UVRAG: variants seen among roughly 807,000 people sequenced by gnomAD.
The protein encoded by UVRAG is UV radiation resistance-associated gene protein.
A neutral mutation model predicts 78.0 loss-of-function variants in UVRAG; 19 were observed. The observed-to-expected ratio is 0.24, with a 90% CI of 0.17 to 0.36. UVRAG has a LOEUF of 0.36. Among genes scored for constraint, UVRAG ranks in the 10% least tolerant of loss-of-function variants. The pLI is 1.00. For missense variants in UVRAG, 740 were observed against 853.8 expected, an observed-to-expected ratio of 0.87 and a Z score of 1.66; for synonymous variants, 323 against 324.6, an observed-to-expected ratio of 1.00 and a Z score of 0.05.
At chr11:75,876,365 G>C (rs942400987) in intron 3 of UVRAG, among the ~76,000 whole-genome samples, 1 of 152,120 alleles carries the variant, frequency 6.6e-6, no homozygotes, top group African/African-American at 2.4e-5. Flanking sequence ...TCTATATCCA[G>C]TGTTGTTTCC....
intron 14 of UVRAG, among the ~76,000 whole-genome samples, chr11:76,117,086 G>T (rs1952196590): frequency 6.6e-6 from 1 of 152,162 alleles, no homozygotes; most frequent in African/African-American, 2.4e-5. Flanking sequence ...AATAATAAAA[G>T]TGAGCTAGCA....
chr11:76,031,595 A>G (rs11821229), intron 12 of UVRAG, among the ~76,000 whole-genome samples: 1,971 of 152,282 alleles, frequency 0.013, 48 homozygotes, highest in African/African-American at 0.045. Flanking sequence ...CAGTAATGTA[A>G]TGGGACAGTG....
At chr11:75,996,037 C>A (rs1949700693) in intron 8 of UVRAG, among the ~76,000 whole-genome samples, 1 of 152,028 alleles carries the variant, frequency 6.6e-6, no homozygotes, top group Admixed American at 6.5e-5. Flanking sequence ...GAGCAAACTT[C>A]TGATTTTATT....
chr11:76,006,017 G>T (rs1161558422), intron 9 of UVRAG, among the ~76,000 whole-genome samples: 3 of 148,264 alleles, frequency 2.0e-5, no homozygotes, highest in African/African-American at 7.9e-5. Context: ...AGAGTTTGGT[G>T]GGTGGGGAAG....
chr11:76,081,333 G>A (rs1951489629), intron 13 of UVRAG, among the ~76,000 whole-genome samples: 1 of 151,984 alleles, frequency 6.6e-6, no homozygotes, highest in African/African-American at 2.4e-5. Context: ...AGCCTCCCGA[G>A]TAGCTGAGAT....
At chr11:75,819,588 C>T (rs759027516) in intron 1 of UVRAG, among the ~76,000 whole-genome samples, 6 of 152,082 alleles carry the variant, frequency 3.9e-5, no homozygotes, top group Non-Finnish European at 7.4e-5. Context: ...TCAGGTGATC[C>T]GCCTGCCTTG....
At chr11:75,983,585 T>C in intron 8 of UVRAG, 72 bp downstream of exon 8, 3 of 1,469,972 alleles carry the variant, frequency 2.0e-6, no homozygotes, top group Non-Finnish European at 2.7e-6. Context: ...CTTCACAAGC[T>C]CAAATAGTCA....
At chr11:75,876,986 G>A (rs1334775271) in intron 3 of UVRAG, among the ~76,000 whole-genome samples, 1 of 151,368 alleles carries the variant, frequency 6.6e-6, no homozygotes, top group Admixed American at 6.6e-5. Context: ...CTAGGCAGAG[G>A]ACCCTGCGGC....
chr11:76,001,541 A>T (rs897047009), intron 8 of UVRAG, among the ~76,000 whole-genome samples: 1 of 152,224 alleles, frequency 6.6e-6, no homozygotes, highest in Non-Finnish European at 1.5e-5. Context: ...ACTAAAATTG[A>T]TAAACCTGTA....
At chr11:75,940,126 G>C (rs1948455613) in intron 6 of UVRAG, among the ~76,000 whole-genome samples, 2 of 152,172 alleles carry the variant, frequency 1.3e-5, no homozygotes, top group Non-Finnish European at 2.9e-5. Flanking sequence ...ATGGTACAAA[G>C]AAGAAAGAAG....
chr11:75,917,162 T>C (rs1313235101), intron 6 of UVRAG, among the ~76,000 whole-genome samples: 1 of 152,252 alleles, frequency 6.6e-6, no homozygotes, highest in Admixed American at 6.5e-5. Context: ...TAGCTTGGCC[T>C]ATGCCCAGGA....
chr11:75,838,535 TA>T (rs1945836796), intron 1 of UVRAG, among the ~76,000 whole-genome samples: 1 of 152,022 alleles, frequency 6.6e-6, no homozygotes, highest in Admixed American at 6.6e-5. Flanking sequence ...ACTCTCTCTC[TA>T]TATATAGAGT....
At chr11:76,131,092 C>T (rs1380213073) in intron 14 of UVRAG, among the ~76,000 whole-genome samples, 2 of 152,004 alleles carry the variant, frequency 1.3e-5, no homozygotes, top group Admixed American at 6.5e-5. Flanking sequence ...TACTTAAGCC[C>T]TATATAAATG....
Position 76,140,967 on chromosome 11 carries a change from G to A in UVRAG, c.1654G>A (p.Asp552Asn). ...GATAACATCTCTATCCTCCTCCTTG[G>A]ATACCTCCTTGGACTTCTCCAAAGA... ...RKITSLSSSL[D>N]TSLDFSKENK... The change falls in exon 15 of 15, where the codon GAT (aspartate) becomes AAT (asparagine). Residue 552 changes from aspartate (D) to asparagine (N), a missense_variant. Asp to Asn is a conservative substitution (Grantham distance 23, BLOSUM62 1). Transcript: ENST00000356136. 1 of 1,614,052 alleles carries A rather than the reference G, an allele frequency of 6.2e-7. No individual in the cohort carries two copies. Among genetic ancestry groups the A allele is most frequent in the South Asian group, 1.1e-5 (1 of 91,058 alleles).
chr11:75,954,076 T>C (rs964478664), intron 6 of UVRAG, among the ~76,000 whole-genome samples: 4 of 152,160 alleles, frequency 2.6e-5, no homozygotes, highest in Non-Finnish European at 5.9e-5. Flanking sequence ...GGATGTCCCA[T>C]GTTATTTTTC....
chr11:75,984,912 T>C (rs959678628), intron 8 of UVRAG, among the ~76,000 whole-genome samples: 1 of 152,208 alleles, frequency 6.6e-6, no homozygotes, highest in African/African-American at 2.4e-5. Flanking sequence ...TTGGGAACAT[T>C]AGAGTTAATG....
At chr11:75,858,749 C>T (rs899863595) in intron 2 of UVRAG, among the ~76,000 whole-genome samples, 1 of 152,162 alleles carries the variant, frequency 6.6e-6, no homozygotes, top group African/African-American at 2.4e-5. Context: ...AACCACCAAG[C>T]CTATGCAAAC....
chr11:76,091,147 G>T (rs562128032), intron 13 of UVRAG, among the ~76,000 whole-genome samples: 2 of 152,190 alleles, frequency 1.3e-5, no homozygotes, highest in African/African-American at 4.8e-5. Context: ...GGAATGTTAG[G>T]CTGGAAACAA....
At chr11:76,032,282 T>G (rs1950450744) in intron 12 of UVRAG, among the ~76,000 whole-genome samples, 1 of 152,226 alleles carries the variant, frequency 6.6e-6, no homozygotes, top group Non-Finnish European at 1.5e-5. Context: ...TTAATCCAGA[T>G]AGTTTTAACT....
Sources: gnomAD v4.1 joint callset for allele counts (sites outside exome capture counted in the v4.1 genomes callset) on GRCh38, gnomAD v4.1.1 for gene constraint, MANE v1.5 for transcripts, NCBI Gene and HGNC (gene_info 2026-07-23, HGNC 2026-07-21) for gene names.